Variants in BSN observed in about 807,000 individuals in gnomAD.
BSN encodes the protein bassoon presynaptic cytomatrix protein.
Under a neutral mutation model 264.8 loss-of-function variants are expected in BSN, and 57 were observed. The ratio of observed to expected loss-of-function variants is 0.22; its 90% CI spans 0.17 to 0.27. BSN has a LOEUF of 0.27. Ranked by LOEUF, BSN falls within the 10% of genes least tolerant of loss-of-function variation. The probability of loss-of-function intolerance (pLI) is 1.00; values close to 1 mark genes in which losing one functional copy is unlikely to be tolerated. For synonymous variants in BSN, 2,059 were observed against 2,137.3 expected (o/e 0.96, Z 1.01); for missense variants, 4,615 against 5,232.5 (o/e 0.88, Z 3.64).
intron 5 of BSN, among the ~76,000 whole-genome samples, chr3:49,659,070 C>G (rs756167534): frequency 7.9e-5 from 12 of 152,142 alleles, no homozygotes; most frequent in Non-Finnish European, 1.3e-4. Context: ...AAGGAAGAGA[C>G]CTGGCAGAGG....
chr3:49,667,433 A>G (rs1249928305), intron 11 of BSN, among the ~76,000 whole-genome samples, 157 bp from the exon 12 acceptor site: 1 of 152,110 alleles, frequency 6.6e-6, no homozygotes, highest in Non-Finnish European at 1.5e-5. Context: ...CATCTCCCCA[A>G]GCCTGAGTGG....
In BSN at chr3:49,638,588, G is replaced by A. The variant is rs569642631; in HGVS notation, c.634-3680G>A. On this transcript the variant is annotated intron_variant, in intron 2 of 11. Transcript: ENST00000296452. The surrounding 1 kb of genome is among the most constrained non-coding windows in gnomAD (Gnocchi z 4.3). ...GAGGGTGCGGTCAAGGTTCCTTACCGTCTGGAAGAGGCTGGATAGAAATAG... is the reference window on the plus strand; with the variant it reads ...GAGGGTGCGGTCAAGGTTCCTTACCATCTGGAAGAGGCTGGATAGAAATAG... Among the ~76,000 whole-genome samples the A allele has an allele frequency of 5.3e-5, 8 of 152,302 alleles. No homozygotes were observed. Among genetic ancestry groups the A allele is most frequent in the South Asian group, 2.1e-4 (1 of 4,830 alleles).
chr3:49,647,414 A>T (rs948661708), intron 3 of BSN, among the ~76,000 whole-genome samples: 1 of 152,184 alleles, frequency 6.6e-6, no homozygotes, highest in Non-Finnish European at 1.5e-5. Flanking sequence ...TTCCTGCCCT[A>T]GAAAGGAACT....
intron 1 of BSN, among the ~76,000 whole-genome samples, chr3:49,609,961 G>T (rs1202430494): frequency 2.0e-5 from 3 of 152,156 alleles, no homozygotes; most frequent in Non-Finnish European, 4.4e-5. Context: ...CCGAGCCCGT[G>T]GGTCATTCAT....
At position 49,574,630 on chromosome 3, in the gene BSN, C is replaced by CT. The variant is rs60300269; in HGVS notation, c.224+19827dup. The stretch of plus-strand genomic sequence containing the variant: ...TGTGTTTTTAGTAGAGGTGGGGTTT[C>CT]TTTTTTTTTTTTTTTTTTTTTTTGA... On this transcript the variant is annotated intron_variant, in intron 1 of 11. Transcript: ENST00000296452. 5.9e-3 allele frequency among the ~76,000 whole-genome samples: 304 copies of CT among 51,794 alleles called. 3 individuals carry two copies. Among genetic ancestry groups the CT allele is most frequent in the African/African-American group, 7.4e-3 (104 of 14,042 alleles). 34.0% of individuals were successfully genotyped at this position (51,794 alleles called of 152,430 possible). A position where few individuals can be genotyped will look rare whatever the true frequency, so the allele number is the denominator to read the frequency against.
At chr3:49,649,146 G>T (rs1172592849) in intron 3 of BSN, among the ~76,000 whole-genome samples, 1 of 152,168 alleles carries the variant, frequency 6.6e-6, no homozygotes, top group Non-Finnish European at 1.5e-5. Context: ...CAGGCTAAGG[G>T]CAGGCACCCT....
intron 1 of BSN, among the ~76,000 whole-genome samples, chr3:49,557,900 T>C (rs2051686501): frequency 6.6e-6 from 1 of 152,162 alleles, no homozygotes; most frequent in South Asian, 2.1e-4. Flanking sequence ...CAAATTGATA[T>C]CTAGTCGATC....
chr3:49,650,588 A>AC, intron 3 of BSN, 24 bp from the exon 4 acceptor site: 1 of 1,566,520 alleles, frequency 6.4e-7, no homozygotes, highest in South Asian at 1.2e-5. Context: ...ATTTTCATCA[A>AC]CCCCCTCTCC....
At chr3:49,599,717 A>G (rs995841957) in intron 1 of BSN, among the ~76,000 whole-genome samples, 1 of 152,168 alleles carries the variant, frequency 6.6e-6, no homozygotes. Flanking sequence ...GTTTTATTGG[A>G]GAAAGTGTAC....
Position 49,663,790 on chromosome 3 carries a change from C to T in BSN, c.11512C>T (p.Arg3838Trp), listed in dbSNP as rs755566609. 3 of 1,614,122 alleles carry T rather than the reference C, an allele frequency of 1.9e-6. No homozygotes were observed. Among genetic ancestry groups the T allele is most frequent in the Non-Finnish European group, 2.5e-6 (3 of 1,180,006 alleles). Residue 3838 changes from arginine to tryptophan, a missense_variant, in exon 8 of 12, where the codon CGG (arginine) becomes TGG (tryptophan). Around this residue, in one of 3 missense-constraint regions of BSN, gnomAD observed 3,415 missense variants for 3,866.4 expected, o/e 0.88. Transcript: ENST00000296452. The part of the protein sequence containing the change: ...ATGPQPAGPP[R>W]AEQTNGSKGT... Reference sequence around the variant, plus strand: ...AGCTATAGGTTCTGTGTTGCAGCCACGGGCAGAACAGACAAATGGCTCTAA... The same window carrying T: ...AGCTATAGGTTCTGTGTTGCAGCCATGGGCAGAACAGACAAATGGCTCTAA...
At chr3:49,588,492 G>A (rs892829534) in intron 1 of BSN, among the ~76,000 whole-genome samples, 1 of 152,032 alleles carries the variant, frequency 6.6e-6, no homozygotes, top group Non-Finnish European at 1.5e-5. Context: ...AATCATGAAG[G>A]GATGTTGAAT....
At chr3:49,569,068 G>C (rs1045929951) in intron 1 of BSN, among the ~76,000 whole-genome samples, 2 of 152,128 alleles carry the variant, frequency 1.3e-5, no homozygotes, top group African/African-American at 4.8e-5. Flanking sequence ...GTTGAAGAGA[G>C]GAGTCAGGAG....
chr3:49,617,315 AT>A (rs1212515427), intron 1 of BSN, among the ~76,000 whole-genome samples: 3 of 115,722 alleles, frequency 2.6e-5, no homozygotes, highest in African/African-American at 6.1e-5. Context: ...ATATATATAT[AT>A]ATAATTTTAT....
chr3:49,565,000 A>G (rs2051741354), intron 1 of BSN, among the ~76,000 whole-genome samples: 2 of 151,940 alleles, frequency 1.3e-5, no homozygotes, highest in South Asian at 4.1e-4. Context: ...AAAGGTAAAA[A>G]AAAAAAAGAA....
intron 1 of BSN, among the ~76,000 whole-genome samples, chr3:49,619,922 C>CGT (rs1212192928): frequency 6.6e-6 from 1 of 152,164 alleles, no homozygotes; most frequent in African/African-American, 2.4e-5. Flanking sequence ...GTGCCAGGCA[C>CGT]TGTGGTAGGC....
intron 1 of BSN, among the ~76,000 whole-genome samples, chr3:49,565,149 T>C (rs1254352705): frequency 4.3e-5 from 6 of 138,644 alleles, no homozygotes; most frequent in East Asian, 4.0e-4. Context: ...ATTTTCTTTT[T>C]TTTTTTTTTT....
chr3:49,578,774 C>T (rs1471992790), intron 1 of BSN, among the ~76,000 whole-genome samples: 2 of 152,102 alleles, frequency 1.3e-5, no homozygotes, highest in African/African-American at 4.8e-5. Flanking sequence ...TGTCACTTTC[C>T]ATTCTTCCCC....
At position 49,632,820 on chromosome 3, in the gene BSN, G is replaced by A. The variant is rs544914593; in HGVS notation, c.633+7437G>A. ...AAAAAGTGGGGGGGAGCAAAGAGGAGTCAGGTGTGGTGATACACACCTGTC... is the reference window on the plus strand; with the variant it reads ...AAAAAGTGGGGGGGAGCAAAGAGGAATCAGGTGTGGTGATACACACCTGTC... On this transcript the variant is annotated intron_variant, in intron 2 of 11. Transcript: ENST00000296452. Among the ~76,000 whole-genome samples, 17 of 152,150 alleles carry A rather than the reference G, an allele frequency of 1.1e-4. No homozygotes were observed. In the South Asian group the frequency reaches 2.7e-3, roughly 24 times the overall value.
chr3:49,671,864 C>CAGTG (rs755988020), downstream of BSN, among the ~76,000 whole-genome samples: 3 of 152,090 alleles, frequency 2.0e-5, no homozygotes, highest in Non-Finnish European at 4.4e-5. This position sits in a 1 kb window ranked among gnomAD's most constrained non-coding sequence, Gnocchi z 4.1. Flanking sequence ...TCCAGGGAGG[C>CAGTG]AGTGAACAAG....
Sources: gnomAD v4.1 joint callset for allele counts (sites outside exome capture counted in the v4.1 genomes callset) on GRCh38, gnomAD v4.1.1 for gene constraint, gnomAD v4.1.1 regional missense constraint, Gnocchi (gnomAD v3.1) non-coding constraint, MANE v1.5 for transcripts, NCBI Gene and HGNC (gene_info 2026-07-23, HGNC 2026-07-21) for gene names.